The following EPHA6 variants were observed in gnomAD, a reference collection of about 807,000 sequenced individuals.
EPHA6 encodes ephrin type-A receptor 6.
In EPHA6, 50 loss-of-function variants were observed where a neutral mutation model predicts 112.0. The observed-to-expected ratio is 0.45, with a 90% CI of 0.36 to 0.56. EPHA6 has a LOEUF of 0.56. Among genes scored for constraint, EPHA6 ranks in the 20% least tolerant of loss-of-function variants. The pLI is 0.00. For missense variants in EPHA6, 1,280 were observed against 1,417.4 expected, an observed-to-expected ratio of 0.90 and a Z score of 1.56; for synonymous variants, 529 against 490.7, an observed-to-expected ratio of 1.08 and a Z score of -1.03.
intron 5 of EPHA6, among the ~76,000 whole-genome samples, chr3:97,399,167 C>T (rs1375131512): frequency 6.6e-6 from 1 of 151,480 alleles, no homozygotes; most frequent in Non-Finnish European, 1.5e-5. Context: ...AATATTTTAG[C>T]TTTCACAGAT....
At chr3:96,869,645 A>G (rs1263357462) in intron 2 of EPHA6, among the ~76,000 whole-genome samples, 2 of 152,172 alleles carry the variant, frequency 1.3e-5, no homozygotes, top group South Asian at 2.1e-4. Context: ...TAGATAGTGC[A>G]TATCTCTGCA....
At chr3:97,616,713 C>G (rs551261169) in intron 13 of EPHA6, among the ~76,000 whole-genome samples, 1 of 152,044 alleles carries the variant, frequency 6.6e-6, no homozygotes, top group African/African-American at 2.4e-5. Context: ...TGAAATAACA[C>G]TGGTAGACAA....
At chr3:97,009,585 CTCAAAGGG>C (rs1253882707) in intron 3 of EPHA6, among the ~76,000 whole-genome samples, 1 of 152,238 alleles carries the variant, frequency 6.6e-6, no homozygotes, top group Non-Finnish European at 1.5e-5. Flanking sequence ...TGCCAAAGAG[CTCAAAGGG>C]CTTAGACAGC....
rs143147013 is a variant in EPHA6 at position 97,101,487 on chromosome 3, G to T, written c.1114+113494G>T. Among the ~76,000 whole-genome samples, 836 of 152,016 alleles carry T rather than the reference G, an allele frequency of 5.5e-3. 4 individuals are homozygous for T. Among genetic ancestry groups the T allele is most frequent in the Non-Finnish European group, 7.9e-3 (535 of 67,962 alleles). On this transcript the variant is annotated intron_variant, in intron 3 of 17. Coordinates refer to ENST00000389672, the MANE Select transcript of EPHA6 (RefSeq NM_001080448.3). Reference sequence around the variant, plus strand: ...TGGATATTTGACTGGGTGTCATGTTGTTCATGTGGGAATAACCCAAAAGGC... The same window carrying T: ...TGGATATTTGACTGGGTGTCATGTTTTTCATGTGGGAATAACCCAAAAGGC...
At chr3:96,831,244 C>T (rs947787199) in intron 1 of EPHA6, among the ~76,000 whole-genome samples, 33 of 151,954 alleles carry the variant, frequency 2.2e-4, no homozygotes, top group Middle Eastern at 3.4e-3. Flanking sequence ...TTAATTTGTC[C>T]TGTATGTTTA....
chr3:97,513,678 G>A (rs1051767873), intron 10 of EPHA6, among the ~76,000 whole-genome samples: 1 of 151,934 alleles, frequency 6.6e-6, no homozygotes, highest in Non-Finnish European at 1.5e-5. Context: ...GGGGAGAGTG[G>A]GGGTGGGAGT....
At chr3:97,655,906 T>TA (rs939899525) in intron 14 of EPHA6, among the ~76,000 whole-genome samples, 4 of 151,674 alleles carry the variant, frequency 2.6e-5, no homozygotes, top group East Asian at 3.9e-4. Flanking sequence ...TAAAGTATAA[T>TA]AAAAAAAGAA....
At chr3:97,593,335 C>G (rs2093561468) in intron 12 of EPHA6, among the ~76,000 whole-genome samples, 1 of 152,072 alleles carries the variant, frequency 6.6e-6, no homozygotes, top group Non-Finnish European at 1.5e-5. Flanking sequence ...TTTACTAAAA[C>G]ACTTTGCAGG....
chr3:96,835,102 A>G (rs2034323777), intron 1 of EPHA6, among the ~76,000 whole-genome samples: 1 of 150,788 alleles, frequency 6.6e-6, no homozygotes, highest in Non-Finnish European at 1.5e-5. Context: ...AAAAGATAGT[A>G]AGTTGTAGAT....
chr3:96,982,737 T>C (rs1191665525), intron 2 of EPHA6, among the ~76,000 whole-genome samples: 2 of 152,174 alleles, frequency 1.3e-5, no homozygotes, highest in Non-Finnish European at 1.5e-5. Flanking sequence ...TCTGTGTGCT[T>C]CTGTATTGAA....
intron 3 of EPHA6, among the ~76,000 whole-genome samples, chr3:97,066,012 T>C (rs936524823): frequency 1.3e-5 from 2 of 152,118 alleles, no homozygotes; most frequent in Non-Finnish European, 2.9e-5. Flanking sequence ...GCACTCCTTT[T>C]AATATTAATA....
chr3:97,663,119 C>G (rs9873157), intron 14 of EPHA6, among the ~76,000 whole-genome samples: 54,155 of 151,980 alleles, frequency 0.36, 9,820 homozygotes, highest in African/African-American at 0.42. Flanking sequence ...CAAAGACTAA[C>G]TTCAGTGTAG....
At chr3:97,436,810 T>A (rs55965602) in intron 6 of EPHA6, among the ~76,000 whole-genome samples, 2,705 of 152,300 alleles carry the variant, frequency 0.018, 80 homozygotes, top group African/African-American at 0.056. Flanking sequence ...GGTAATTTCA[T>A]CTTCAAAGAA....
At chr3:97,171,595 A>G (rs1183725533) in intron 3 of EPHA6, among the ~76,000 whole-genome samples, 4 of 152,116 alleles carry the variant, frequency 2.6e-5, no homozygotes, top group African/African-American at 9.6e-5. Context: ...AACCACAGCT[A>G]GCCCCAAAAT....
chr3:97,003,728 A>G (rs1290543654), intron 3 of EPHA6, among the ~76,000 whole-genome samples: 1 of 152,036 alleles, frequency 6.6e-6, no homozygotes, highest in African/African-American at 2.4e-5. Context: ...TTACATAGGT[A>G]TATTTGTGCC....
intron 11 of EPHA6, among the ~76,000 whole-genome samples, chr3:97,543,454 A>G (rs986867684): frequency 1.3e-5 from 2 of 152,046 alleles, no homozygotes; most frequent in Non-Finnish European, 2.9e-5. Context: ...ATTGGTCTAT[A>G]TCTCTGTTTT....
chr3:97,178,294 G>C (rs917553808), intron 3 of EPHA6, among the ~76,000 whole-genome samples: 1 of 151,666 alleles, frequency 6.6e-6, no homozygotes, highest in Non-Finnish European at 1.5e-5. Flanking sequence ...TATATCTTAC[G>C]GTATTCACTA....
chr3:97,377,107 C>G (rs1423092335), intron 5 of EPHA6, among the ~76,000 whole-genome samples: 1 of 152,132 alleles, frequency 6.6e-6, no homozygotes, highest in Admixed American at 6.5e-5. Flanking sequence ...CATTATGTGA[C>G]TGATATGGTT....
At chr3:96,893,516 G>T (rs2038095955) in intron 2 of EPHA6, among the ~76,000 whole-genome samples, 1 of 152,164 alleles carries the variant, frequency 6.6e-6, no homozygotes, top group Non-Finnish European at 1.5e-5. Context: ...AGTGATTAAG[G>T]ATTATTTAGG....
Sources: allele counts gnomAD v4.1 joint callset (sites outside exome capture counted in the v4.1 genomes callset), GRCh38; gene constraint gnomAD v4.1.1; transcripts MANE v1.5; gene names NCBI Gene and HGNC (gene_info 2026-07-23, HGNC 2026-07-21).